ANO3: variants seen among roughly 807,000 people sequenced by gnomAD.
ANO3 encodes the protein anoctamin-3.
A neutral mutation model predicts 144.8 loss-of-function variants in ANO3; 99 were observed. That is an observed-to-expected ratio of 0.68 (90% confidence interval 0.58 to 0.81). The LOEUF is 0.81. Among genes scored for constraint, ANO3 ranks in the 30% least tolerant of loss-of-function variants. ANO3 has a pLI of 0.00. For missense variants in ANO3, 905 were observed against 1,202.2 expected, an observed-to-expected ratio of 0.75 and a Z score of 3.66; for synonymous variants, 414 against 392.6, an observed-to-expected ratio of 1.05 and a Z score of -0.64.
Position 26,295,515 on chromosome 11 carries a change from CAA to C in ANO3, c.155-14106_155-14105del, listed in dbSNP as rs71047842. 2.1e-4 allele frequency among the ~76,000 whole-genome samples: 14 copies of C among 66,102 alleles called. No homozygotes were observed. In the East Asian group the frequency reaches 5.0e-3, roughly 24 times the overall value. 43.4% of individuals were successfully genotyped at this position (66,102 alleles called of 152,430 possible). A position where few individuals can be genotyped will look rare whatever the true frequency, so the allele number is the denominator to read the frequency against. On this transcript the variant is annotated intron_variant, in intron 1 of 27. Coordinates refer to the ANO3 transcript ENST00000672621. ...TGGGCGATAGAGTGAGACTCTGTCT[CAA>C]AAAAAAAAAAAAAAAAAAAAAAATT...
At chr11:26,267,962 CT>C (rs1476820474) in intron 1 of ANO3, among the ~76,000 whole-genome samples, 1 of 152,004 alleles carries the variant, frequency 6.6e-6, no homozygotes, top group African/African-American at 2.4e-5. Context: ...CCAAAGTAAT[CT>C]GTGAATAAGA....
chr11:26,553,215 T>G, intron 12 of ANO3, 34 bp from the exon 13 acceptor site: 10 of 1,211,628 alleles, frequency 8.3e-6, no homozygotes, highest in Non-Finnish European at 1.1e-5. Flanking sequence ...TCATGCTATG[T>G]TTTGTTTTGT....
chr11:26,563,412 T>A, intron 14 of ANO3: 1 of 711,238 alleles, frequency 1.4e-6, no homozygotes, highest in Non-Finnish European at 2.1e-6. Flanking sequence ...TGTGTGTGTG[T>A]GTGTGTGTGT....
intron 4 of ANO3, among the ~76,000 whole-genome samples, chr11:26,501,160 C>T (rs890932111): frequency 6.6e-6 from 1 of 152,052 alleles, no homozygotes; most frequent in Admixed American, 6.6e-5. Context: ...GAGCTGAAAC[C>T]CACCTGATGG....
upstream of ANO3, chr11:26,309,570 A>G: frequency 2.7e-6 from 2 of 738,720 alleles, no homozygotes; most frequent in Non-Finnish European, 1.7e-6. Flanking sequence ...CTTTTCCATG[A>G]TAATTTTCTA....
At chr11:26,282,941 C>T (rs1451706332) in intron 1 of ANO3, among the ~76,000 whole-genome samples, 3 of 152,030 alleles carry the variant, frequency 2.0e-5, no homozygotes, top group Non-Finnish European at 4.4e-5. Flanking sequence ...CTGCCTATCA[C>T]AATTCTATAA....
At chr11:26,270,360 A>T (rs1853413719) in intron 1 of ANO3, among the ~76,000 whole-genome samples, 1 of 152,156 alleles carries the variant, frequency 6.6e-6, no homozygotes, top group Non-Finnish European at 1.5e-5. Context: ...TCTATTGAAA[A>T]AATCTAACTG....
chr11:26,603,691 C>T (rs1851860209), intron 17 of ANO3, among the ~76,000 whole-genome samples: 1 of 151,990 alleles, frequency 6.6e-6, no homozygotes, highest in Non-Finnish European at 1.5e-5. Flanking sequence ...GATTTTGAAA[C>T]TTTAAGAAAT....
intron 4 of ANO3, among the ~76,000 whole-genome samples, chr11:26,503,365 G>T (rs955736413): frequency 6.6e-6 from 1 of 152,098 alleles, no homozygotes; most frequent in African/African-American, 2.4e-5. Context: ...TTATCTAGAT[G>T]TAATGACACA....
At chr11:26,555,630 T>A (rs1850062436) in intron 13 of ANO3, among the ~76,000 whole-genome samples, 1 of 152,170 alleles carries the variant, frequency 6.6e-6, no homozygotes, top group South Asian at 2.1e-4. Flanking sequence ...TATGGAAGAA[T>A]ACAAGAAATA....
intron 1 of ANO3, among the ~76,000 whole-genome samples, chr11:26,252,940 G>A (rs1852967370): frequency 6.6e-6 from 1 of 152,294 alleles, no homozygotes. Context: ...CTTGAATGGT[G>A]TAAACAACAG....
chr11:26,520,501 G>C (rs564306019), intron 6 of ANO3, among the ~76,000 whole-genome samples: 2 of 152,186 alleles, frequency 1.3e-5, no homozygotes, highest in Non-Finnish European at 2.9e-5. Context: ...GAAAGTCTTA[G>C]AAAATACCGT....
chr11:26,357,208 A>G (rs941977354), intron 1 of ANO3, among the ~76,000 whole-genome samples: 1 of 152,238 alleles, frequency 6.6e-6, no homozygotes, highest in Admixed American at 6.5e-5. Context: ...CTTAGTATGG[A>G]CATATGATTT....
At chr11:26,352,884 T>G (rs909378496) in intron 1 of ANO3, among the ~76,000 whole-genome samples, 5 of 152,208 alleles carry the variant, frequency 3.3e-5, no homozygotes, top group African/African-American at 1.2e-4. Flanking sequence ...CCAAGAAGTT[T>G]TCAATAAGCT....
At chr11:26,228,124 T>G (rs933624717) in intron 1 of ANO3, among the ~76,000 whole-genome samples, 23 of 152,232 alleles carry the variant, frequency 1.5e-4, no homozygotes, top group Admixed American at 1.4e-3. Context: ...ACTTTGTGGT[T>G]TGCATCTTGG....
intron 1 of ANO3, among the ~76,000 whole-genome samples, chr11:26,429,322 G>T (rs1040178456): frequency 1.3e-5 from 2 of 152,064 alleles, no homozygotes; most frequent in African/African-American, 4.8e-5. Flanking sequence ...CTTTAGATGA[G>T]ATCAAGGGAT....
At chr11:26,295,189 A>C (rs1854058256) in intron 1 of ANO3, among the ~76,000 whole-genome samples, 2 of 152,074 alleles carry the variant, frequency 1.3e-5, no homozygotes, top group South Asian at 4.1e-4. Flanking sequence ...GCTGGATTAC[A>C]GGTGTGAGCC....
At chr11:26,452,941 A>G (rs1248860307) in intron 3 of ANO3, among the ~76,000 whole-genome samples, 6 of 152,234 alleles carry the variant, frequency 3.9e-5, no homozygotes, top group African/African-American at 1.4e-4. Context: ...TCTTAAAGAA[A>G]ACAATTTTCA....
intron 16 of ANO3, 59 bp downstream of exon 16, chr11:26,599,057 AATG>A (rs1851721043): frequency 6.5e-7 from 1 of 1,542,744 alleles, no homozygotes; most frequent in African/African-American, 1.4e-5. Context: ...AAGTAAGTTC[AATG>A]ATACCAACTC....
Sources: gnomAD v4.1 joint callset for allele counts (sites outside exome capture counted in the v4.1 genomes callset) on GRCh38, gnomAD v4.1.1 for gene constraint, MANE v1.5 for transcripts, NCBI Gene and HGNC (gene_info 2026-07-23, HGNC 2026-07-21) for gene names.